Variants in CFAP300 observed in about 807,000 individuals in gnomAD.
The protein encoded by CFAP300 is cilia- and flagella-associated protein 300.
A neutral mutation model predicts 33.0 loss-of-function variants in CFAP300; 32 were observed. The observed-to-expected ratio is 0.97, with a 90% CI of 0.73 to 1.30. The LOEUF is 1.30. CFAP300 is among the 50% of genes most tolerant of loss of function. The pLI is 0.00. For synonymous variants in CFAP300, 102 were observed against 106.8 expected (o/e 0.95, Z 0.28); for missense variants, 356 against 318.1 (o/e 1.12, Z -0.90).
chr11:102,075,943 G>T lies in CFAP300; in HGVS notation c.506G>T (p.Cys169Phe). 6.2e-7 allele frequency: 1 copy of T among 1,613,856 alleles called. No individual in the cohort carries two copies. The highest frequency in any genetic ancestry group is 1.1e-5 in the South Asian group (1 of 91,072). The change falls in exon 5 of 7, where the codon TGT becomes TTT. Residue 169 changes from cysteine to phenylalanine, a missense_variant. Cys to Phe is a radical substitution (Grantham distance 205). Coordinates refer to ENST00000434758, the MANE Select transcript of CFAP300 (RefSeq NM_032930.3). ...SQPDREEFLF[C>F]LFKHLCLGGA... ...CCAGATAGAGAAGAGTTCCTGTTTT[G>T]TCTTTTCAAACATCTTTGCCTTGGT...
chr11:102,072,434 T>A (rs1157876060), intron 4 of CFAP300, among the ~76,000 whole-genome samples: 1 of 152,128 alleles, frequency 6.6e-6, no homozygotes, highest in East Asian at 1.9e-4. Context: ...TGTATCTCAC[T>A]GAGCTTCTTT....
intron 2 of CFAP300, among the ~76,000 whole-genome samples, chr11:102,056,413 A>C (rs1011295343): frequency 2.6e-5 from 4 of 152,186 alleles, no homozygotes; most frequent in Admixed American, 2.6e-4. Flanking sequence ...AAAGATTCAC[A>C]CTTCTGCCAG....
chr11:102,062,540 T>C lies in CFAP300; in HGVS notation c.268+3585T>C, dbSNP rs1289306663. ...ACTTGGATGAACTGTTTTCTATTGTTTTATGGAAGGTAGAACTTATAAGTG... is the reference window on the plus strand; with the variant it reads ...ACTTGGATGAACTGTTTTCTATTGTCTTATGGAAGGTAGAACTTATAAGTG... On this transcript the variant is annotated intron_variant, in intron 3 of 6. Transcript: ENST00000434758. Among the ~76,000 whole-genome samples, 5 of 152,328 alleles carry C rather than the reference T, an allele frequency of 3.3e-5. No homozygotes were observed. In the East Asian group the frequency reaches 9.6e-4, roughly 29 times the overall value.
intron 5 of CFAP300, among the ~76,000 whole-genome samples, chr11:102,077,466 AG>A (rs1404563814): frequency 6.6e-6 from 1 of 152,254 alleles, no homozygotes; most frequent in Non-Finnish European, 1.5e-5. Context: ...GTGTGATTTT[AG>A]GAGTCTCTAA....
At chr11:102,051,983 G>C (rs1409239846) in intron 2 of CFAP300, among the ~76,000 whole-genome samples, 1 of 152,192 alleles carries the variant, frequency 6.6e-6, no homozygotes, top group African/African-American at 2.4e-5. Flanking sequence ...TCCTAAAGTT[G>C]ATATACAGAA....
At chr11:102,050,668 T>C (rs1251214317) in intron 2 of CFAP300, among the ~76,000 whole-genome samples, 2 of 152,048 alleles carry the variant, frequency 1.3e-5, no homozygotes, top group Admixed American at 6.6e-5. Flanking sequence ...AAAGAGAAAG[T>C]GATCATTTTT....
chr11:102,055,248 G>A (rs1385684546), intron 2 of CFAP300, among the ~76,000 whole-genome samples: 5 of 151,932 alleles, frequency 3.3e-5, no homozygotes, highest in Non-Finnish European at 5.9e-5. Context: ...CAAAGTGCTG[G>A]GATTACAGGT....
chr11:102,055,875 TAGTC>T (rs1350036293), intron 2 of CFAP300, among the ~76,000 whole-genome samples: 1 of 151,888 alleles, frequency 6.6e-6, no homozygotes, highest in African/African-American at 2.4e-5. Flanking sequence ...TTCACCGTGT[TAGTC>T]AGGATGGTCT....
At chr11:102,069,418 C>T (rs1368607751) in intron 4 of CFAP300, among the ~76,000 whole-genome samples, 1 of 152,120 alleles carries the variant, frequency 6.6e-6, no homozygotes, top group Non-Finnish European at 1.5e-5. Context: ...CTGAAGAGAT[C>T]TGTATGTGAA....
intron 4 of CFAP300, among the ~76,000 whole-genome samples, chr11:102,068,720 G>A (rs578029838): frequency 6.6e-6 from 1 of 152,336 alleles, no homozygotes; most frequent in Admixed American, 6.5e-5. Context: ...CCGGGAGGCA[G>A]AGATTGCGGT....
chr11:102,083,115 G>A lies in CFAP300; in HGVS notation c.720G>A (p.Gln240=). The change falls in exon 7 of 7, where the codon CAG becomes CAA. Residue 240 remains glutamine, a synonymous_variant. Coordinates refer to ENST00000434758, the MANE Select transcript of CFAP300 (RefSeq NM_032930.3). ...ATCCTTCAGCAAAGAATCATGAACA[G>A]ACATTTTCTTACTTTATTGTGGATC... ...MCYPSAKNHE[Q]TFSYFIVDPI... 2 of 1,554,426 alleles carry A rather than the reference G, an allele frequency of 1.3e-6. No homozygotes were observed. The highest frequency in any genetic ancestry group is 1.3e-5 in the South Asian group (1 of 79,734).
At chr11:102,073,158 G>A (rs1275203945) in intron 4 of CFAP300, among the ~76,000 whole-genome samples, 1 of 152,188 alleles carries the variant, frequency 6.6e-6, no homozygotes, top group African/African-American at 2.4e-5. Flanking sequence ...CTGGGTGTGT[G>A]GATGTGTGTT....
intron 2 of CFAP300, 65 bp from the exon 3 acceptor site, chr11:102,058,815 A>G (rs1453740518): frequency 1.5e-5 from 14 of 919,622 alleles, no homozygotes; most frequent in South Asian, 1.6e-5. Flanking sequence ...TAGTTATTTT[A>G]TGTTAATTTT....
At chr11:102,075,621 G>T (rs1308842070) in intron 4 of CFAP300, among the ~76,000 whole-genome samples, 1 of 152,246 alleles carries the variant, frequency 6.6e-6, no homozygotes, top group East Asian at 1.9e-4. Context: ...CTAGAAAAAA[G>T]AAATAAAGTG....
At position 102,075,736 on chromosome 11, in the gene CFAP300, G is replaced by A. The variant is rs17097408; in HGVS notation, c.436-137G>A. 3.2e-3 allele frequency: 1,868 copies of A among 590,980 alleles called. 30 individuals carry two copies. Among genetic ancestry groups the A allele is most frequent in the African/African-American group, 0.031 (1,669 of 53,212 alleles). 36.6% of individuals were successfully genotyped at this position (590,980 alleles called of 1,614,324 possible). A position where few individuals can be genotyped will look rare whatever the true frequency, so the allele number is the denominator to read the frequency against. On this transcript the variant is annotated intron_variant, in intron 4 of 6. Transcript: ENST00000434758. ...AGAGGCAAATAAATGCAGATTACAG[G>A]TTACTCTCTTCAGTTGACTCAAGAT...
At chr11:102,051,758 G>T (rs7934806) in intron 2 of CFAP300, among the ~76,000 whole-genome samples, 1 of 151,390 alleles carries the variant, frequency 6.6e-6, no homozygotes, top group South Asian at 2.1e-4. Flanking sequence ...TATGTTGCCC[G>T]GGCTGGTCTC....
chr11:102,064,467 C>G (rs753602513), intron 3 of CFAP300, among the ~76,000 whole-genome samples: 12 of 152,192 alleles, frequency 7.9e-5, no homozygotes, highest in Non-Finnish European at 1.8e-4. Context: ...AGCAGCATAG[C>G]TTTTGCAATT....
At chr11:102,083,006 T>G in intron 6 of CFAP300, 65 bp from the exon 7 acceptor site, 1 of 903,612 alleles carries the variant, frequency 1.1e-6, no homozygotes, top group Non-Finnish European at 1.4e-6. Context: ...CAAAAAATAA[T>G]AATAATAAAT....
At position 102,047,541 on chromosome 11, in the gene CFAP300, C is replaced by A; in HGVS notation, c.71C>A (p.Ser24Tyr). Residue 24 changes from serine (S) to tyrosine (Y), a missense_variant, in exon 1 of 7, where the codon TCT (serine) becomes TAT (tyrosine). By Grantham distance (144) the Ser-to-Tyr change is moderately radical (BLOSUM62 -2). Coordinates refer to ENST00000434758, the MANE Select transcript of CFAP300 (RefSeq NM_032930.3). Reference sequence around the variant, plus strand: ...TTCTTGCCTCAGAAAACCTTCCAGTCTCTGAGCTCTAAGGAGATCACCAGC... The same window carrying A: ...TTCTTGCCTCAGAAAACCTTCCAGTATCTGAGCTCTAAGGAGATCACCAGC... ...FRFLPQKTFQ[S>Y]LSSKEITSRL... The A allele has an allele frequency of 2.0e-6, 3 of 1,536,014 alleles. No homozygotes were observed. The highest frequency in any genetic ancestry group is 1.7e-6 in the Non-Finnish European group (2 of 1,146,812).
Sources: allele counts gnomAD v4.1 joint callset (sites outside exome capture counted in the v4.1 genomes callset), GRCh38; gene constraint gnomAD v4.1.1; transcripts MANE v1.5; gene names NCBI Gene and HGNC (gene_info 2026-07-23, HGNC 2026-07-21).